FGF20: variants seen among roughly 807,000 people sequenced by gnomAD.
FGF20 encodes fibroblast growth factor 20.
Under a neutral mutation model 16.7 loss-of-function variants are expected in FGF20, and 8 were observed. That is an observed-to-expected ratio of 0.48 (90% CI 0.28 to 0.87). The LOEUF (loss-of-function observed/expected upper bound fraction) is 0.87. FGF20 is among the 40% of genes least tolerant of loss of function. FGF20 has a pLI of 0.10. For missense variants in FGF20, 397 were observed against 281.4 expected, an observed-to-expected ratio of 1.41 and a Z score of -2.94; for synonymous variants, 161 against 118.6, an observed-to-expected ratio of 1.36 and a Z score of -2.32.
Position 16,995,759 on chromosome 8 carries a change from C to G in FGF20, c.287-1G>C. Reference sequence around the variant, plus strand: ...GCCACACTGATGAATTCCAAGATACCTGCATATGTAAACAATTCATAAAAA... The same window carrying G: ...GCCACACTGATGAATTCCAAGATACGTGCATATGTAAACAATTCATAAAAA... On this transcript the variant is annotated splice_acceptor_variant, in intron 1 of 2. Transcript: ENST00000180166. LOFTEE classifies it high-confidence loss of function. 6.5e-7 allele frequency: 1 copy of G among 1,545,460 alleles called. No individual in the cohort carries two copies. The highest frequency in any genetic ancestry group is 8.9e-7 in the Non-Finnish European group (1 of 1,123,116).
intron 2 of FGF20, among the ~76,000 whole-genome samples, chr8:16,993,660 A>T (rs1189620715): frequency 6.6e-6 from 1 of 151,492 alleles, no homozygotes; most frequent in African/African-American, 2.4e-5. Context: ...TTATTATTAC[A>T]TTGTAATATA....
rs758887113 is a variant in FGF20, at chr8:16,995,791, G to A, written c.287-33C>T. ...TGTAAACAATTCATAAAAACACCAT[G>A]TTTTGTATTTATGCATGAGCATATG... is the stretch of plus-strand genomic sequence containing the variant. On this transcript the variant is annotated intron_variant, in intron 1 of 2. Transcript: ENST00000180166. 6.2e-6 allele frequency: 8 copies of A among 1,288,988 alleles called. No individual in the cohort carries two copies. The East Asian group carries it at 1.8e-4, about 30-fold the overall frequency. 79.8% of individuals were successfully genotyped at this position (1,288,988 alleles called of 1,614,324 possible). A position where few individuals can be genotyped will look rare whatever the true frequency, so the allele number is the denominator to read the frequency against.
chr8:17,000,558 T>C (rs573516603), intron 1 of FGF20, among the ~76,000 whole-genome samples: 2 of 152,262 alleles, frequency 1.3e-5, no homozygotes, highest in African/African-American at 4.8e-5. Context: ...GTATCTTTTT[T>C]AAAAATAAAA....
rs1810207582 is a variant in FGF20, at chr8:17,002,275, C to A, written c.-243G>T. ...GCTGGCTCTGCAGAAATATCTATAG[C>A]TGCCGCTGCCAATACTAGGACTAGG... On this transcript the variant is annotated 5_prime_UTR_variant, in exon 1 of 3. Transcript: ENST00000180166. The A allele has an allele frequency of 4.5e-6, 2 of 440,020 alleles. No individual in the cohort carries two copies. The highest frequency in any genetic ancestry group is 4.3e-5 in the South Asian group (1 of 23,072). The allele number at this position is 440,020 out of a possible 1,614,324, so 27.3% of individuals were successfully genotyped here.
At chr8:17,001,238 A>G (rs1024142381) in intron 1 of FGF20, among the ~76,000 whole-genome samples, 10 of 152,198 alleles carry the variant, frequency 6.6e-5, no homozygotes, top group African/African-American at 2.4e-4. Context: ...CCCCGGGTGC[A>G]TAATCAGCTG....
At chr8:16,996,879 G>T (rs1315545438) in intron 1 of FGF20, among the ~76,000 whole-genome samples, 2 of 152,144 alleles carry the variant, frequency 1.3e-5, no homozygotes, top group Non-Finnish European at 2.9e-5. Context: ...CTAATCCACT[G>T]TTTCTACTTC....
rs746261060 is a variant in FGF20 at position 16,992,908 on chromosome 8, A to G, written c.*164T>C. ...TGATCATGATCTATTTCTAGTCAAA[A>G]TTTTTTTTGGTTTTTTTTCTCAATA... On this transcript the variant is annotated 3_prime_UTR_variant, in exon 3 of 3. Coordinates refer to ENST00000180166, the MANE Select transcript of FGF20 (RefSeq NM_019851.3). The G allele has an allele frequency of 7.6e-6, 6 of 786,430 alleles. No individual in the cohort carries two copies. Among genetic ancestry groups the G allele is most frequent in the African/African-American group, 1.8e-5 (1 of 57,034 alleles). The allele number at this position is 786,430 out of a possible 1,614,324, so 48.7% of individuals were successfully genotyped here. A position where few individuals can be genotyped will look rare whatever the true frequency, so the allele number is the denominator to read the frequency against.
At chr8:17,001,452 G>A (rs1381378672) in intron 1 of FGF20, among the ~76,000 whole-genome samples, 1 of 152,094 alleles carries the variant, frequency 6.6e-6, no homozygotes, top group Non-Finnish European at 1.5e-5. Context: ...GAAGGGCAAG[G>A]GGAAGGCAGG....
chr8:17,002,209 C>G lies in FGF20; in HGVS notation c.-177G>C, dbSNP rs1469226419. The G allele has an allele frequency of 3.5e-6, 2 of 573,104 alleles. No individual in the cohort carries two copies. Among genetic ancestry groups the G allele is most frequent in the Admixed American group, 4.4e-5 (1 of 22,860 alleles). The allele number at this position is 573,104 out of a possible 1,614,324, so 35.5% of individuals were successfully genotyped here. On this transcript the variant is annotated 5_prime_UTR_variant, in exon 1 of 3. Transcript: ENST00000180166. ...GAAATGGCAGGGAAGCTCTCACTGT[C>G]TTGGAGCGATCTTCTCTCCTTGGGT...
chr8:16,999,477 T>A (rs1446418096), intron 1 of FGF20, among the ~76,000 whole-genome samples: 1 of 151,892 alleles, frequency 6.6e-6, no homozygotes, highest in Non-Finnish European at 1.5e-5. Flanking sequence ...AGGCCTTTTT[T>A]TTTCTGTCAC....
In FGF20 at chr8:16,992,928, T is replaced by C; in HGVS notation, c.*144A>G. On this transcript the variant is annotated 3_prime_UTR_variant, in exon 3 of 3. Coordinates refer to ENST00000180166, the MANE Select transcript of FGF20 (RefSeq NM_019851.3). The stretch of plus-strand genomic sequence containing the variant: ...TCAAAATTTTTTTTGGTTTTTTTTC[T>C]CAATATTCTTTCCAAATCCAGTCTC... The C allele has an allele frequency of 4.5e-6, 5 of 1,104,392 alleles. No individual in the cohort carries two copies. In the South Asian group the frequency reaches 6.5e-5, roughly 14 times the overall value. The allele number at this position is 1,104,392 out of a possible 1,614,324, so 68.4% of individuals were successfully genotyped here.
chr8:16,995,312 A>C (rs538960949), intron 2 of FGF20, among the ~76,000 whole-genome samples: 133 of 152,368 alleles, frequency 8.7e-4, no homozygotes, highest in African/African-American at 3.0e-3. Context: ...TTAAATAAAC[A>C]TAAAGGTGAG....
intron 1 of FGF20, 103 bp from the exon 2 acceptor site, chr8:16,995,861 GC>G (rs1810030553): frequency 3.3e-6 from 2 of 601,748 alleles, no homozygotes. Flanking sequence ...GGCCATTATT[GC>G]CAAATATAAT....
At chr8:16,998,309 C>A (rs1231326264) in intron 1 of FGF20, among the ~76,000 whole-genome samples, 1 of 152,122 alleles carries the variant, frequency 6.6e-6, no homozygotes, top group Non-Finnish European at 1.5e-5. Flanking sequence ...AATAATTTTG[C>A]AATGGCTCAT....
chr8:16,999,688 A>ATTTTTTTTTT (rs59591258), intron 1 of FGF20, among the ~76,000 whole-genome samples: 2 of 132,818 alleles, frequency 1.5e-5, no homozygotes, highest in Non-Finnish European at 3.2e-5. Flanking sequence ...CGCCCAGCTA[A>ATTTTTTTTTT]TTTTTTTTTT....
chr8:16,996,436 C>G (rs1810048976), intron 1 of FGF20, among the ~76,000 whole-genome samples: 1 of 152,160 alleles, frequency 6.6e-6, no homozygotes, highest in Non-Finnish European at 1.5e-5. Flanking sequence ...TCCTCATATG[C>G]AAAATGGATG....
Position 16,993,313 on chromosome 8 carries a change from T to C in FGF20, c.395A>G (p.Lys132Arg). The C allele has an allele frequency of 6.2e-7, 1 of 1,602,060 alleles. No homozygotes were observed. Among genetic ancestry groups the C allele is most frequent in the Non-Finnish European group, 8.5e-7 (1 of 1,174,488 alleles). Reference protein sequence around the residue: ...NDKGELYGSEKLTSECIFREQ... With the variant: ...NDKGELYGSERLTSECIFREQ... ...CCTAAAGATGCATTCGGAAGTAAGTTTCTCCTGAAAGAGAGAAGATAACTA... is the reference window on the plus strand; with the variant it reads ...CCTAAAGATGCATTCGGAAGTAAGTCTCTCCTGAAAGAGAGAAGATAACTA... The change falls in exon 3 of 3, where the codon AAA (lysine) becomes AGA (arginine). Residue 132 changes from lysine (K) to arginine (R), a missense_variant. Transcript: ENST00000180166.
Position 17,002,190 on chromosome 8 carries a change from G to T in FGF20, c.-158C>A, listed in dbSNP as rs1441657702. 6.2e-6 allele frequency: 4 copies of T among 647,140 alleles called. No individual in the cohort carries two copies. Among genetic ancestry groups the T allele is most frequent in the African/African-American group, 1.9e-5 (1 of 51,672 alleles). The allele number at this position is 647,140 out of a possible 1,614,324, so 40.1% of individuals were successfully genotyped here. Reference sequence around the variant, plus strand: ...TCCGGAGGGACTTTGCACTGAAATGGCAGGGAAGCTCTCACTGTCTTGGAG... The same window carrying T: ...TCCGGAGGGACTTTGCACTGAAATGTCAGGGAAGCTCTCACTGTCTTGGAG... On this transcript the variant is annotated 5_prime_UTR_variant, in exon 1 of 3. Coordinates refer to ENST00000180166, the MANE Select transcript of FGF20 (RefSeq NM_019851.3).
At chr8:16,999,842 A>G (rs1213875642) in intron 1 of FGF20, among the ~76,000 whole-genome samples, 2 of 151,664 alleles carry the variant, frequency 1.3e-5, no homozygotes, top group Admixed American at 6.6e-5. Flanking sequence ...CCCAGCCCCA[A>G]GTTTCTTAAA....
Sources: allele counts gnomAD v4.1 joint callset (sites outside exome capture counted in the v4.1 genomes callset), GRCh38; gene constraint gnomAD v4.1.1; transcripts MANE v1.5; gene names NCBI Gene and HGNC (gene_info 2026-07-23, HGNC 2026-07-21).